The following PDE2A variants were observed in gnomAD, a reference collection of about 807,000 sequenced individuals.
PDE2A encodes the protein cGMP-dependent 3',5'-cyclic phosphodiesterase.
In PDE2A, 53 loss-of-function variants were observed where a neutral mutation model predicts 133.6. That is an observed-to-expected ratio of 0.40 (90% confidence interval 0.32 to 0.50). The LOEUF is 0.50. Among genes scored for constraint, PDE2A ranks in the 20% least tolerant of loss-of-function variants. The pLI is 0.73. For missense variants in PDE2A, 796 were observed against 1,232.4 expected (o/e 0.65, Z 5.30); for synonymous variants, 491 against 490.2 (o/e 1.00, Z -0.02).
At chr11:72,612,367 T>C (rs1291411680) in intron 2 of PDE2A, among the ~76,000 whole-genome samples, 1 of 151,344 alleles carries the variant, frequency 6.6e-6, no homozygotes, top group African/African-American at 2.4e-5. Context: ...TTTCCTGCCT[T>C]CACAGCTTTT....
chr11:72,589,472 G>C (rs969044042), intron 11 of PDE2A, among the ~76,000 whole-genome samples: 22 of 152,288 alleles, frequency 1.4e-4, no homozygotes, highest in African/African-American at 5.1e-4. Flanking sequence ...AAGGATTCTC[G>C]TCAACAGATT....
intron 1 of PDE2A, chr11:72,643,547 G>T (rs780625041): frequency 6.6e-6 from 1 of 152,258 alleles, no homozygotes; most frequent in South Asian, 2.1e-4. Flanking sequence ...CCTCAATGTG[G>T]TCTGACCTGA....
Position 72,660,526 on chromosome 11 carries a change from A to C in PDE2A, c.71+13611T>G, listed in dbSNP as rs117996751. Among the ~76,000 whole-genome samples the C allele has an allele frequency of 4.1e-3, 618 of 152,276 alleles. 7 individuals carry two copies. Among genetic ancestry groups the C allele is most frequent in the Admixed American group, 0.016 (242 of 15,290 alleles). On this transcript the variant is annotated intron_variant, in intron 1 of 30. Transcript: ENST00000334456. ...CTGGAGAGGGAGCCAGGTACATTAC[A>C]CACTGTGTCTCATTTAATCCTCATG...
In PDE2A at chr11:72,674,195, A is replaced by G; in HGVS notation, c.13T>C (p.Cys5Arg). The change falls in exon 1 of 31, where the codon TGC becomes CGC. Residue 5 changes from cysteine to arginine, a missense_variant. Cys to Arg is a radical substitution (Grantham distance 180). Coordinates refer to ENST00000334456, the MANE Select transcript of PDE2A (RefSeq NM_002599.5). Reference sequence around the variant, plus strand: ...CTCCTGCAGAGGATGGAGTGGCCGCATGCCTGCCCCATCACTCCTCATCGT... The same window carrying G: ...CTCCTGCAGAGGATGGAGTGGCCGCGTGCCTGCCCCATCACTCCTCATCGT... Reference protein sequence around the residue: MGQACGHSILCRSQQ... With the variant: MGQARGHSILCRSQQ... The G allele has an allele frequency of 1.2e-6, 2 of 1,610,960 alleles. No homozygotes were observed. Among genetic ancestry groups the G allele is most frequent in the Non-Finnish European group, 1.7e-6 (2 of 1,179,686 alleles).
Position 72,588,809 on chromosome 11 carries a change from C to A in PDE2A, c.1045G>T (p.Ala349Ser). The A allele has an allele frequency of 6.2e-7, 1 of 1,606,376 alleles. No individual in the cohort carries two copies. Residue 349 changes from alanine to serine, a missense_variant, in exon 13 of 31, where the codon GCC becomes TCC. Around this residue, in one of 7 missense-constraint regions of PDE2A, gnomAD observed 417 missense variants for 475.3 expected, o/e 0.88. Transcript: ENST00000334456. ...ATDQVVALAC[A>S]FNKLEGDLFT... ...AAGTCTCCTTCTAGCTTGTTGAAGG[C>A]GCAGGCCAAGGCCACCACCTGGTCA...
chr11:72,635,929 AC>A, intron 2 of PDE2A: 2 of 1,133,566 alleles, frequency 1.8e-6, no homozygotes, highest in Non-Finnish European at 2.3e-6. Flanking sequence ...TCTTTCGGCC[AC>A]CCGACCTTCC....
chr11:72,618,374 A>G lies in PDE2A; in HGVS notation c.145-9623T>C, dbSNP rs550218957. 6.6e-5 allele frequency among the ~76,000 whole-genome samples: 10 copies of G among 151,804 alleles called. No individual in the cohort carries two copies. The South Asian group carries it at 2.1e-3, about 32-fold the overall frequency. On this transcript the variant is annotated intron_variant, in intron 2 of 30. Coordinates refer to ENST00000334456, the MANE Select transcript of PDE2A (RefSeq NM_002599.5). ...CTCTTCCTGCTCTGGCCCTCCAGAA[A>G]CCCCCAGCCCTCTCCCCTGGTCTTG... is the stretch of plus-strand genomic sequence containing the variant.
At chr11:72,628,425 G>A (rs1418664549) in intron 2 of PDE2A, among the ~76,000 whole-genome samples, 1 of 151,506 alleles carries the variant, frequency 6.6e-6, no homozygotes, top group African/African-American at 2.4e-5. Context: ...CTGCCTCCCG[G>A]GTTCACACCA....
At chr11:72,653,670 A>G (rs574365811) in intron 1 of PDE2A, among the ~76,000 whole-genome samples, 2 of 152,348 alleles carry the variant, frequency 1.3e-5, no homozygotes, top group African/African-American at 4.8e-5. Context: ...GCAGTGGGGC[A>G]AAACGGCAGC....
chr11:72,605,478 C>CT, intron 3 of PDE2A, among the ~76,000 whole-genome samples: 1 of 152,324 alleles, frequency 6.6e-6, no homozygotes, highest in African/African-American at 2.4e-5. Context: ...AACCTATGAC[C>CT]TTTTTTACCA....
Position 72,618,960 on chromosome 11 carries a change from G to A in PDE2A, c.145-10209C>T, listed in dbSNP as rs116805869. On this transcript the variant is annotated intron_variant, in intron 2 of 30. Coordinates refer to ENST00000334456, the MANE Select transcript of PDE2A (RefSeq NM_002599.5). ...CCTTTGAAGGGCCCAGGAAGCCAGA[G>A]AACAAACATCCGGAGTCTCTGGAAT... is the stretch of plus-strand genomic sequence containing the variant. Among the ~76,000 whole-genome samples the A allele has an allele frequency of 4.2e-3, 640 of 152,324 alleles. 3 individuals carry two copies. Among genetic ancestry groups the A allele is most frequent in the African/African-American group, 0.015 (610 of 41,560 alleles).
At chr11:72,671,901 T>C (rs904732130) in intron 1 of PDE2A, among the ~76,000 whole-genome samples, 1 of 152,124 alleles carries the variant, frequency 6.6e-6, no homozygotes, top group Non-Finnish European at 1.5e-5. Context: ...CACGCCCAGC[T>C]TTCCTGAGCC....
At position 72,580,636 on chromosome 11, in the gene PDE2A, C is replaced by T; in HGVS notation, c.2134-12G>A. 6.4e-7 allele frequency: 1 copy of T among 1,560,684 alleles called. No individual in the cohort carries two copies. Among genetic ancestry groups the T allele is most frequent in the Non-Finnish European group, 8.7e-7 (1 of 1,150,246 alleles). On this transcript the variant is annotated splice_polypyrimidine_tract_variant and intron_variant, in intron 24 of 30. Coordinates refer to ENST00000334456, the MANE Select transcript of PDE2A (RefSeq NM_002599.5). ...GCCAGCACAGATTTCTGGAAAAGCC[C>T]AGGAAAACTGTGGTCACTCCTCACA...
Position 72,674,127 on chromosome 11 carries a change from C to G in PDE2A, c.71+10G>C. 2.5e-6 allele frequency: 4 copies of G among 1,612,838 alleles called. No homozygotes were observed. In the Middle Eastern group the frequency reaches 5.0e-4, roughly 200 times the overall value. On this transcript the variant is annotated intron_variant, in intron 1 of 30. Transcript: ENST00000334456. ...AGCCGCTCACCACCCCAGCCCCTCA[C>G]TATACTCACGGCTCAGCCGGTCGCG...
At chr11:72,589,672 T>G in intron 11 of PDE2A, 79 bp downstream of exon 11, 1 of 1,217,332 alleles carries the variant, frequency 8.2e-7, no homozygotes, top group Admixed American at 1.7e-5. Flanking sequence ...ATCCAAATAC[T>G]CCAGGCAGAT....
chr11:72,661,556 A>T (rs1855063845), intron 1 of PDE2A, among the ~76,000 whole-genome samples: 1 of 152,214 alleles, frequency 6.6e-6, no homozygotes, highest in Admixed American at 6.5e-5. Flanking sequence ...AAGCACTCCA[A>T]GGCTGGGGAG....
chr11:72,647,934 TA>T (rs1364525214), intron 1 of PDE2A, among the ~76,000 whole-genome samples: 1 of 152,180 alleles, frequency 6.6e-6, no homozygotes, highest in African/African-American at 2.4e-5. Flanking sequence ...TGTGTATCTA[TA>T]GGGGTTGGCA....
Position 72,590,253 on chromosome 11 carries a change from G to A in PDE2A, c.704-9C>T. The A allele has an allele frequency of 6.4e-7, 1 of 1,551,258 alleles. No individual in the cohort carries two copies. ...CAGGTCGTAGAGTTCCCCTGCAAGGGCCAGGCGCCGGTCAGAGAGAGGGCC... is the reference window on the plus strand; with the variant it reads ...CAGGTCGTAGAGTTCCCCTGCAAGGACCAGGCGCCGGTCAGAGAGAGGGCC... On this transcript the variant is annotated splice_polypyrimidine_tract_variant and intron_variant, in intron 8 of 30. Coordinates refer to ENST00000334456, the MANE Select transcript of PDE2A (RefSeq NM_002599.5). The surrounding 1 kb of genome is among the most constrained non-coding windows in gnomAD (Gnocchi z 4.8).
At chr11:72,584,487 C>T (rs777888819) in intron 18 of PDE2A, 64 bp downstream of exon 18, 3 of 1,517,912 alleles carry the variant, frequency 2.0e-6, no homozygotes, top group Non-Finnish European at 2.7e-6. Flanking sequence ...TTGCCACCCC[C>T]GCTCGCTCGG....
Sources: allele counts gnomAD v4.1 joint callset (sites outside exome capture counted in the v4.1 genomes callset), GRCh38; gene constraint gnomAD v4.1.1; regional missense constraint gnomAD v4.1.1; non-coding constraint Gnocchi (gnomAD v3.1); transcripts MANE v1.5; gene names NCBI Gene and HGNC (gene_info 2026-07-23, HGNC 2026-07-21).